The following PRKAG2 variants were observed in gnomAD, a reference collection of about 807,000 sequenced individuals.
The protein encoded by PRKAG2 is 5'-AMP-activated protein kinase subunit gamma-2.
PRKAG2 carries 26 observed loss-of-function variants against 69.6 expected under a neutral mutation model. The observed-to-expected ratio is 0.37, with a 90% confidence interval of 0.27 to 0.52. The LOEUF is 0.52. Among genes scored for constraint, PRKAG2 ranks in the 20% least tolerant of loss-of-function variants. The pLI, the probability that PRKAG2 is intolerant of heterozygous loss-of-function variation, is 0.90. For synonymous variants in PRKAG2, 293 were observed against 285.0 expected (o/e 1.03, Z -0.28); for missense variants, 557 against 740.0 (o/e 0.75, Z 2.87).
intron 3 of PRKAG2, among the ~76,000 whole-genome samples, chr7:151,731,739 C>A (rs1426832337): frequency 6.6e-6 from 1 of 152,146 alleles, no homozygotes; most frequent in Admixed American, 6.5e-5. Context: ...GTGCCAACAG[C>A]CTAGGTGGGC....
chr7:151,797,330 A>ATTG (rs1270465058), intron 1 of PRKAG2, among the ~76,000 whole-genome samples: 16 of 150,804 alleles, frequency 1.1e-4, no homozygotes, highest in Non-Finnish European at 2.9e-5. Context: ...ACCATGAACT[A>ATTG]CAATAAAATT....
chr7:151,875,181 C>G (rs1290079590), intron 1 of PRKAG2, among the ~76,000 whole-genome samples: 1 of 152,246 alleles, frequency 6.6e-6, no homozygotes, highest in Non-Finnish European at 1.5e-5. Flanking sequence ...GGCCACACAG[C>G]AGCCAGGGGT....
chr7:151,716,895 G>A (rs1796271295), intron 3 of PRKAG2, among the ~76,000 whole-genome samples: 1 of 152,190 alleles, frequency 6.6e-6, no homozygotes, highest in African/African-American at 2.4e-5. Context: ...GGAAATGAGT[G>A]TTGGCAGGAA....
chr7:151,680,081 A>C (rs560444122), intron 3 of PRKAG2, among the ~76,000 whole-genome samples: 1 of 152,100 alleles, frequency 6.6e-6, no homozygotes, highest in African/African-American at 2.4e-5. Context: ...AATGAGCCCA[A>C]ACTGCACCCA....
intron 5 of PRKAG2, among the ~76,000 whole-genome samples, chr7:151,620,390 G>A (rs1225940127): frequency 6.6e-6 from 1 of 151,828 alleles, no homozygotes; most frequent in South Asian, 2.1e-4. Flanking sequence ...TGCCCAGACT[G>A]GCCTCAAACT....
intron 1 of PRKAG2, among the ~76,000 whole-genome samples, chr7:151,821,053 G>GTAGAAGAGAGAGCCTCCAACCCCACAGAC (rs1216334379): frequency 9.2e-5 from 14 of 151,924 alleles, no homozygotes; most frequent in South Asian, 2.1e-4. Context: ...CAGAAGGAAA[G>GTAGAAGAGAGAGCCTCCAACCCCACAGAC]CTGTGGAGAC....
chr7:151,873,209 C>T (rs1204307269), intron 1 of PRKAG2, among the ~76,000 whole-genome samples: 1 of 152,214 alleles, frequency 6.6e-6, no homozygotes, highest in African/African-American at 2.4e-5. Context: ...TGGAAGCAGC[C>T]ATCCCCTCCC....
intron 4 of PRKAG2, among the ~76,000 whole-genome samples, chr7:151,642,212 A>G (rs1388569861): frequency 6.6e-6 from 1 of 151,742 alleles, no homozygotes; most frequent in Non-Finnish European, 1.5e-5. Context: ...GCATGGTGGC[A>G]GGCACCTGTA....
chr7:151,613,968 A>G (rs543192372), intron 5 of PRKAG2, among the ~76,000 whole-genome samples: 4 of 151,550 alleles, frequency 2.6e-5, no homozygotes, highest in Non-Finnish European at 5.9e-5. Flanking sequence ...ACCCCTGGCT[A>G]AGTTTCATAT....
rs1444086983 is a variant in PRKAG2, at chr7:151,876,575, T to A, written c.46A>T (p.Ser16Cys). 2 of 1,610,534 alleles carry A rather than the reference T, an allele frequency of 1.2e-6. No individual in the cohort carries two copies. Residue 16 changes from serine to cysteine, a missense_variant, in exon 1 of 16, where the codon AGC becomes TGC. Coordinates refer to ENST00000287878, the MANE Select transcript of PRKAG2 (RefSeq NM_016203.4). Reference protein sequence around the residue: ...MDTKKKKDVSSPGGSGGKKNA... With the variant: ...MDTKKKKDVSCPGGSGGKKNA... ...TTCTTGCCGCCGCTCCCGCCGGGGC[T>A]GGAAACATCTTTTTTCTTCTTGGTG...
At chr7:151,747,869 T>C (rs1222188959) in intron 3 of PRKAG2, among the ~76,000 whole-genome samples, 1 of 150,346 alleles carries the variant, frequency 6.7e-6, no homozygotes, top group Non-Finnish European at 1.5e-5. Flanking sequence ...TCACTCTCAG[T>C]GGGGCTAAGG....
chr7:151,676,672 G>C (rs1832993215), intron 3 of PRKAG2, among the ~76,000 whole-genome samples: 1 of 152,192 alleles, frequency 6.6e-6, no homozygotes, highest in African/African-American at 2.4e-5. Flanking sequence ...AGATGCAGAG[G>C]CTCGTCAAGA....
chr7:151,591,879 T>G (rs1813233792), intron 6 of PRKAG2, among the ~76,000 whole-genome samples: 1 of 152,056 alleles, frequency 6.6e-6, no homozygotes, highest in Non-Finnish European at 1.5e-5. Flanking sequence ...ACTCTCCCGC[T>G]GGGAAACAGT....
intron 1 of PRKAG2, among the ~76,000 whole-genome samples, chr7:151,826,028 C>G (rs571538203): frequency 6.2e-4 from 95 of 152,262 alleles, no homozygotes; most frequent in South Asian, 2.1e-3. Context: ...CCCTCCATCC[C>G]AGAGAACTGG....
At chr7:151,743,003 G>A (rs1484327279) in intron 3 of PRKAG2, among the ~76,000 whole-genome samples, 1 of 152,160 alleles carries the variant, frequency 6.6e-6, no homozygotes, top group Non-Finnish European at 1.5e-5. Context: ...GGGGAAAGTT[G>A]ACCACTCACA....
At chr7:151,681,610 A>G (rs1833900514) in intron 3 of PRKAG2, among the ~76,000 whole-genome samples, 1 of 151,776 alleles carries the variant, frequency 6.6e-6, no homozygotes, top group South Asian at 2.1e-4. Context: ...GCACGATGCC[A>G]CCCTGTTTAC....
At chr7:151,664,097 C>T (rs1201408418) in intron 4 of PRKAG2, among the ~76,000 whole-genome samples, 2 of 152,164 alleles carry the variant, frequency 1.3e-5, no homozygotes, top group African/African-American at 4.8e-5. Flanking sequence ...ATGTGCCAAA[C>T]CCCTAATCAG....
intron 1 of PRKAG2, among the ~76,000 whole-genome samples, chr7:151,831,791 T>C (rs550573184): frequency 1.3e-5 from 2 of 152,280 alleles, no homozygotes; most frequent in East Asian, 3.9e-4. Context: ...GCAGGAGCTG[T>C]GTCCCGGTCA....
intron 1 of PRKAG2, among the ~76,000 whole-genome samples, chr7:151,832,510 G>T (rs7788721): frequency 2.0e-5 from 3 of 151,148 alleles, no homozygotes; most frequent in Non-Finnish European, 4.4e-5. Context: ...GAGGGTCAGG[G>T]CGGCTGAACA....
Sources: gnomAD v4.1 joint callset for allele counts (sites outside exome capture counted in the v4.1 genomes callset) on GRCh38, gnomAD v4.1.1 for gene constraint, MANE v1.5 for transcripts, NCBI Gene and HGNC (gene_info 2026-07-23, HGNC 2026-07-21) for gene names.